Variants in PRICKLE2 observed in about 807,000 individuals in gnomAD.
PRICKLE2 encodes the protein prickle-like protein 2.
PRICKLE2 carries 21 observed loss-of-function variants against 81.4 expected under a neutral mutation model. The ratio of observed to expected loss-of-function variants is 0.26; its 90% CI spans 0.18 to 0.37. The LOEUF (loss-of-function observed/expected upper bound fraction) is 0.37, where lower values mean the gene tolerates loss of function less well. Ranked by LOEUF, PRICKLE2 falls within the 10% of genes least tolerant of loss-of-function variation. The pLI is 1.00. For synonymous variants in PRICKLE2, 456 were observed against 421.5 expected, an observed-to-expected ratio of 1.08 and a Z score of -1.00; for missense variants, 940 against 1,109.0, an observed-to-expected ratio of 0.85 and a Z score of 2.16.
chr3:64,167,652 G>C (rs918947052), intron 2 of PRICKLE2, among the ~76,000 whole-genome samples: 5 of 152,206 alleles, frequency 3.3e-5, no homozygotes, highest in African/African-American at 9.7e-5. Context: ...ATTTCTGCCT[G>C]GGCAGAAAGA....
rs773597278 is a variant in PRICKLE2, at chr3:64,146,875, T to G, written c.1615A>C (p.Thr539Pro). Residue 539 changes from threonine to proline, a missense_variant, in exon 7 of 8, where the codon ACC becomes CCC. Physicochemically the swap from Thr to Pro is conservative, Grantham distance 38. Transcript: ENST00000638394. Reference sequence around the variant, plus strand: ...AGGGATTCCATGGAGCCCCGAGGGGTCTGCTCTGTGGGCGTCATGTCCTCT... The same window carrying G: ...AGGGATTCCATGGAGCCCCGAGGGGGCTGCTCTGTGGGCGTCATGTCCTCT... Reference protein sequence around the residue: ...YTEDMTPTEQTPRGSMESLAL... With the variant: ...YTEDMTPTEQPPRGSMESLAL... 1 of 1,613,982 alleles carries G rather than the reference T, an allele frequency of 6.2e-7. No individual in the cohort carries two copies. Among genetic ancestry groups the G allele is most frequent in the Admixed American group, 1.7e-5 (1 of 60,004 alleles).
chr3:64,181,973 C>T (rs930677424), intron 2 of PRICKLE2, among the ~76,000 whole-genome samples: 1 of 152,084 alleles, frequency 6.6e-6, no homozygotes, highest in Non-Finnish European at 1.5e-5. Flanking sequence ...GACAAAAATG[C>T]TGAATAACTG....
At chr3:64,198,472 T>C (rs144542217) in intron 2 of PRICKLE2, among the ~76,000 whole-genome samples, 38 of 152,088 alleles carry the variant, frequency 2.5e-4, no homozygotes, top group African/African-American at 8.9e-4. Context: ...AGGAGAAAAT[T>C]TGAAGTACCA....
In PRICKLE2 at chr3:64,225,428, T is replaced by C. The variant is rs550234814; in HGVS notation, c.-559A>G. The C allele has an allele frequency of 1.9e-5, 19 of 985,122 alleles. No homozygotes were observed. The East Asian group carries it at 9.1e-4, about 47-fold the overall frequency. The allele number at this position is 985,122 out of a possible 1,614,324, so 61.0% of individuals were successfully genotyped here. On this transcript the variant is annotated 5_prime_UTR_variant, in exon 1 of 8. Coordinates refer to ENST00000638394, the MANE Select transcript of PRICKLE2 (RefSeq NM_198859.4). ...GTCAAAAAATAATAATAACTCTCGG[T>C]GGCGCTGCTGGTGGTGCCTGAGAAG...
intron 7 of PRICKLE2, among the ~76,000 whole-genome samples, chr3:64,121,537 A>C (rs1192618506): frequency 1.6e-5 from 1 of 64,114 alleles, no homozygotes; most frequent in Admixed American, 2.4e-4. Context: ...AGCCTAAGGC[A>C]AAAGAAAAAA....
intron 2 of PRICKLE2, among the ~76,000 whole-genome samples, chr3:64,232,282 T>C (rs569935893): frequency 6.6e-6 from 1 of 152,374 alleles, no homozygotes; most frequent in South Asian, 2.1e-4. Context: ...GGCTCACCAT[T>C]CTATTCAAAG....
chr3:64,264,091 A>G (rs1188937295), intron 2 of PRICKLE2, among the ~76,000 whole-genome samples: 2 of 151,888 alleles, frequency 1.3e-5, no homozygotes, highest in African/African-American at 4.8e-5. Context: ...ATCCACCAAG[A>G]GCAAATGCTT....
At chr3:64,157,123 G>C in intron 5 of PRICKLE2, 39 bp downstream of exon 5, 2 of 1,571,058 alleles carry the variant, frequency 1.3e-6, no homozygotes, top group South Asian at 1.1e-5. Context: ...TGCAATGAAG[G>C]GGTGATGGGC....
At chr3:64,141,381 T>G (rs1370967223) in intron 7 of PRICKLE2, among the ~76,000 whole-genome samples, 1 of 152,116 alleles carries the variant, frequency 6.6e-6, no homozygotes, top group African/African-American at 2.4e-5. Context: ...CCTCATAGGG[T>G]TGTTGTGAGG....
chr3:64,199,277 C>T (rs1371761461), intron 1 of PRICKLE2: 4 of 513,192 alleles, frequency 7.8e-6, no homozygotes, highest in Non-Finnish European at 1.4e-5. Context: ...TTTTATTTTA[C>T]TAGGTAGACC....
intron 2 of PRICKLE2, among the ~76,000 whole-genome samples, chr3:64,193,756 C>T (rs2078394181): frequency 6.6e-6 from 1 of 152,106 alleles, no homozygotes. Context: ...TAGTAAGTCT[C>T]ACGAGATCTG....
At chr3:64,219,538 A>G (rs1366827043) in intron 1 of PRICKLE2, among the ~76,000 whole-genome samples, 1 of 152,142 alleles carries the variant, frequency 6.6e-6, no homozygotes, top group Non-Finnish European at 1.5e-5. Context: ...TTTCCAAGCA[A>G]TCTCACACTT....
In PRICKLE2 at chr3:64,198,818, T is replaced by G; in HGVS notation, c.110A>C (p.Tyr37Ser). The change falls in exon 2 of 8, where the codon TAT becomes TCT. Residue 37 changes from tyrosine (Y) to serine (S), a missense_variant. By Grantham distance (144) the Tyr-to-Ser change is moderately radical. This residue lies in a region of PRICKLE2 where 270 missense variants were observed against 391.8 expected (regional missense o/e 0.69). Transcript: ENST00000638394. Reference protein sequence around the residue: ...DDDSGCALEEYAWVPPGLKPE... With the variant: ...DDDSGCALEESAWVPPGLKPE... ...CTTCAGACCCGGCGGGACCCAGGCATACTCTTCCAAAGCACAGCCTGAGTC... is the reference window on the plus strand; with the variant it reads ...CTTCAGACCCGGCGGGACCCAGGCAGACTCTTCCAAAGCACAGCCTGAGTC... 1 of 1,614,164 alleles carries G rather than the reference T, an allele frequency of 6.2e-7. No homozygotes were observed. The highest frequency in any genetic ancestry group is 8.5e-7 in the Non-Finnish European group (1 of 1,180,024).
chr3:64,231,551 T>C (rs1295520732), intron 2 of PRICKLE2, among the ~76,000 whole-genome samples: 1 of 152,188 alleles, frequency 6.6e-6, no homozygotes, highest in East Asian at 1.9e-4. Flanking sequence ...TCCTACACGT[T>C]TCTCTTGGAA....
chr3:64,231,103 T>C (rs1041877556), intron 2 of PRICKLE2, among the ~76,000 whole-genome samples: 1 of 152,134 alleles, frequency 6.6e-6, no homozygotes, highest in Non-Finnish European at 1.5e-5. Flanking sequence ...CTTAGGAATC[T>C]GTCACATTTC....
chr3:64,125,831 T>C (rs2077097448), intron 7 of PRICKLE2, among the ~76,000 whole-genome samples: 1 of 152,194 alleles, frequency 6.6e-6, no homozygotes, highest in South Asian at 2.1e-4. Flanking sequence ...ATGTGTGTAT[T>C]CCAAAATCTG....
Position 64,094,553 on chromosome 3 carries a change from G to C in PRICKLE2, c.*4498C>G, listed in dbSNP as rs2076543954. On this transcript the variant is annotated 3_prime_UTR_variant, in exon 8 of 8. Coordinates refer to ENST00000638394, the MANE Select transcript of PRICKLE2 (RefSeq NM_198859.4). Reference sequence around the variant, plus strand: ...TTGAGGAAAGCTAGTTTTGTCAGCAGGAAGTAAGCTTATAAAATAGTATGG... The same window carrying C: ...TTGAGGAAAGCTAGTTTTGTCAGCACGAAGTAAGCTTATAAAATAGTATGG... 6.6e-6 allele frequency: 1 copy of C among 152,224 alleles called. No homozygotes were observed. 9.4% of individuals were successfully genotyped at this position (152,224 alleles called of 1,614,324 possible).
At chr3:64,155,442 A>G (rs2077618881) in intron 5 of PRICKLE2, among the ~76,000 whole-genome samples, 1 of 152,052 alleles carries the variant, frequency 6.6e-6, no homozygotes, top group South Asian at 2.1e-4. Context: ...GATAGCAGGA[A>G]TGTAAAATGT....
chr3:64,179,291 G>C (rs2078085536), intron 2 of PRICKLE2, among the ~76,000 whole-genome samples: 1 of 151,820 alleles, frequency 6.6e-6, no homozygotes, highest in Non-Finnish European at 1.5e-5. Flanking sequence ...GGTCAGGCTG[G>C]ACTCGAACTC....
Sources: gnomAD v4.1 joint callset for allele counts (sites outside exome capture counted in the v4.1 genomes callset) on GRCh38, gnomAD v4.1.1 for gene constraint, gnomAD v4.1.1 regional missense constraint, MANE v1.5 for transcripts, NCBI Gene and HGNC (gene_info 2026-07-23, HGNC 2026-07-21) for gene names.